The following SPATA31D1 variants were observed in gnomAD, a reference collection of about 807,000 sequenced individuals.
SPATA31D1 encodes SPATA31 subfamily D member 1.
In SPATA31D1, 6 loss-of-function variants were observed where a neutral mutation model predicts 13.2. The observed-to-expected ratio is 0.46, with a 90% CI of 0.25 to 0.90. The LOEUF is 0.90. SPATA31D1 is among the 40% of genes least tolerant of loss of function. The pLI, the probability that SPATA31D1 is intolerant of heterozygous loss-of-function variation, is 0.18. For synonymous variants in SPATA31D1, 903 were observed against 718.8 expected, an observed-to-expected ratio of 1.26 and a Z score of -4.10; for missense variants, 2,445 against 1,884.7, an observed-to-expected ratio of 1.30 and a Z score of -5.50.
At position 81,991,253 on chromosome 9, in the gene SPATA31D1, A is replaced by G. The variant is rs1427776695; in HGVS notation, c.783A>G (p.Gln261=). ...TTGAGAGAGTGGAGTCCAGCCTCCA[A>G]CCTGAAGCCAGTTTGTCTCTGAACA... ...HHIERVESSL[Q]PEASLSLNTI... is the part of the protein sequence containing the mutation. Residue 261 remains glutamine (Q), a synonymous_variant, in exon 4 of 4, where the codon CAA becomes CAG. Coordinates refer to ENST00000344803, the MANE Select transcript of SPATA31D1 (RefSeq NM_001001670.3). 3 of 1,613,800 alleles carry G rather than the reference A, an allele frequency of 1.9e-6. 1 individual carries two copies. Among genetic ancestry groups the G allele is most frequent in the South Asian group, 2.2e-5 (2 of 91,082 alleles).
rs769487756 is a variant in SPATA31D1 at position 81,994,164 on chromosome 9, T to A, written c.3694T>A (p.Leu1232Met). 15 of 1,613,920 alleles carry A rather than the reference T, an allele frequency of 9.3e-6. 1 individual carries two copies. In the Admixed American group the frequency reaches 2.2e-4, roughly 23 times the overall value. Reference sequence around the variant, plus strand: ...TGACATGTCTTTTGCCTTAGATAACTTGAGTTCCAAGGACTTACTGACTAA... The same window carrying A: ...TGACATGTCTTTTGCCTTAGATAACATGAGTTCCAAGGACTTACTGACTAA... ...FTDMSFALDN[L>M]SSKDLLTNSQ... Residue 1232 changes from leucine to methionine, a missense_variant, in exon 4 of 4, where the codon TTG (leucine) becomes ATG (methionine). Transcript: ENST00000344803.
At chr9:81,988,186 C>T (rs1193483346), upstream of SPATA31D1, among the ~76,000 whole-genome samples, 1 of 152,136 alleles carries the variant, frequency 6.6e-6, no homozygotes, top group African/African-American at 2.4e-5. Context: ...CTCAAAAACC[C>T]AAATTGGGCA....
chr9:81,989,298 T>C (rs1824906659), intron 1 of SPATA31D1, among the ~76,000 whole-genome samples: 1 of 152,154 alleles, frequency 6.6e-6, no homozygotes, highest in Non-Finnish European at 1.5e-5. Context: ...CCAGGTGGGA[T>C]TATTTAGAGA....
At position 81,994,831 on chromosome 9, in the gene SPATA31D1, T is replaced by G. The variant is rs1178499895; in HGVS notation, c.4361T>G (p.Val1454Gly). The G allele has an allele frequency of 2.5e-6, 4 of 1,613,844 alleles. No individual in the cohort carries two copies. In the African/African-American group the frequency reaches 4.0e-5, roughly 16 times the overall value. ...NPEVHVRAEP[V>G]QGCPCNYRAP... Reference sequence around the variant, plus strand: ...GAAGTGCATGTCAGAGCAGAGCCTGTCCAGGGCTGTCCCTGCAACTACAGG... The same window carrying G: ...GAAGTGCATGTCAGAGCAGAGCCTGGCCAGGGCTGTCCCTGCAACTACAGG... Residue 1454 changes from valine to glycine, a missense_variant, in exon 4 of 4, where the codon GTC becomes GGC. Coordinates refer to ENST00000344803, the MANE Select transcript of SPATA31D1 (RefSeq NM_001001670.3).
At position 81,990,769 on chromosome 9, in the gene SPATA31D1, G is replaced by A. The variant is rs1224750918; in HGVS notation, c.303-4G>A. The A allele has an allele frequency of 1.9e-6, 3 of 1,604,266 alleles. No individual in the cohort carries two copies. Among genetic ancestry groups the A allele is most frequent in the South Asian group, 1.1e-5 (1 of 89,554 alleles). Reference sequence around the variant, plus strand: ...TCCTTTCCTTGTTCTGGTCCTGACTGCAGCTTTGGACCTCCTGTTTCCTGC... The same window carrying A: ...TCCTTTCCTTGTTCTGGTCCTGACTACAGCTTTGGACCTCCTGTTTCCTGC... On this transcript the variant is annotated splice_region_variant and splice_polypyrimidine_tract_variant and intron_variant, in intron 3 of 3. Transcript: ENST00000344803.
chr9:81,995,016 C>T lies in SPATA31D1; in HGVS notation c.4546C>T (p.Gln1516Ter). 6.2e-7 allele frequency: 1 copy of T among 1,613,954 alleles called. No homozygotes were observed. The highest frequency in any genetic ancestry group is 8.5e-7 in the Non-Finnish European group (1 of 1,179,868). Residue 1516 changes from glutamine to a stop codon, truncating the protein, a stop_gained, in exon 4 of 4, where the codon CAA becomes TAA. Coordinates refer to ENST00000344803, the MANE Select transcript of SPATA31D1 (RefSeq NM_001001670.3). LOFTEE classifies it low-confidence loss of function (END_TRUNC). ...KGKILCQSHP[Q>*]SMPHRKPVPH... is the part of the protein sequence containing the mutation. ...GAAGATACTGTGTCAAAGCCATCCC[C>T]AATCCATGCCCCACAGGAAGCCTGT...
chr9:81,991,520 C>G lies in SPATA31D1; in HGVS notation c.1050C>G (p.His350Gln), dbSNP rs1824963030. 2 of 1,614,036 alleles carry G rather than the reference C, an allele frequency of 1.2e-6. No individual in the cohort carries two copies. Among genetic ancestry groups the G allele is most frequent in the African/African-American group, 1.3e-5 (1 of 75,050 alleles). ...CAATCAAAGGCATTGACCATTCACA[C>G]CTTGCATCTTCAGAATTCACCTGGT... ...APTIKGIDHSHLASSEFTWWQ... is the reference protein window; with the variant it reads ...APTIKGIDHSQLASSEFTWWQ... Residue 350 changes from histidine (H) to glutamine (Q), a missense_variant, in exon 4 of 4, where the codon CAC (histidine) becomes CAG (glutamine). His to Gln is a conservative substitution (Grantham distance 24). Transcript: ENST00000344803.
rs778462236 is a variant in SPATA31D1 at position 81,994,467 on chromosome 9, G to T, written c.3997G>T (p.Gly1333Trp). Residue 1333 changes from glycine (G) to tryptophan (W), a missense_variant, in exon 4 of 4, where the codon GGG becomes TGG. Physicochemically the swap from Gly to Trp is radical, Grantham distance 184. Transcript: ENST00000344803. ...VHNKTSGEVL[G>W]SKSSPTLKTQ... is the part of the protein sequence containing the mutation. Reference sequence around the variant, plus strand: ...TAACAAGACATCAGGGGAGGTGCTTGGGAGCAAATCTTCCCCAACCTTGAA... The same window carrying T: ...TAACAAGACATCAGGGGAGGTGCTTTGGAGCAAATCTTCCCCAACCTTGAA... 2 of 1,613,366 alleles carry T rather than the reference G, an allele frequency of 1.2e-6. No individual in the cohort carries two copies. Among genetic ancestry groups the T allele is most frequent in the Middle Eastern group, 1.6e-4 (1 of 6,062 alleles).
In SPATA31D1 at chr9:81,990,868, G is replaced by A; in HGVS notation, c.398G>A (p.Cys133Tyr). The change falls in exon 4 of 4, where the codon TGT becomes TAT. Residue 133 changes from cysteine (C) to tyrosine (Y), a missense_variant. Physicochemically the swap from Cys to Tyr is radical, Grantham distance 194. Transcript: ENST00000344803. The stretch of plus-strand genomic sequence containing the variant: ...TGCCCAGACCCCGTCTGTCGGGTGT[G>A]TAAGAGAGCAACTGCTGATATCCAG... ...LLCPDPVCRV[C>Y]KRATADIQQL... 6.2e-7 allele frequency: 1 copy of A among 1,613,958 alleles called. No individual in the cohort carries two copies. Among genetic ancestry groups the A allele is most frequent in the South Asian group, 1.1e-5 (1 of 91,084 alleles).
intron 3 of SPATA31D1, 71 bp from the exon 4 acceptor site, chr9:81,990,702 C>T: frequency 2.0e-6 from 3 of 1,523,572 alleles, no homozygotes; most frequent in Non-Finnish European, 2.7e-6. Flanking sequence ...GTGATATGGG[C>T]AGCAGGCTTT....
At position 81,993,045 on chromosome 9, in the gene SPATA31D1, C is replaced by A. The variant is rs779887177; in HGVS notation, c.2575C>A (p.Gln859Lys). ...TVHSSWHSVKQTMSLPEKSHS... is the reference protein window; with the variant it reads ...TVHSSWHSVKKTMSLPEKSHS... Reference sequence around the variant, plus strand: ...GCATAGTTCATGGCACTCAGTCAAGCAGACAATGTCTCTTCCTGAGAAATC... The same window carrying A: ...GCATAGTTCATGGCACTCAGTCAAGAAGACAATGTCTCTTCCTGAGAAATC... The change falls in exon 4 of 4, where the codon CAG becomes AAG. Residue 859 changes from glutamine (Q) to lysine (K), a missense_variant. Physicochemically the swap from Gln to Lys is moderately conservative, Grantham distance 53 (BLOSUM62 1). Transcript: ENST00000344803. The A allele has an allele frequency of 6.2e-7, 1 of 1,613,780 alleles. No homozygotes were observed. The highest frequency in any genetic ancestry group is 8.5e-7 in the Non-Finnish European group (1 of 1,179,730).
At position 81,994,013 on chromosome 9, in the gene SPATA31D1, A is replaced by G. The variant is rs150579694; in HGVS notation, c.3543A>G (p.Glu1181=). 2,689 of 1,613,824 alleles carry G rather than the reference A, an allele frequency of 1.7e-3. 40 individuals carry two copies. The African/African-American group carries it at 0.031, about 18-fold the overall frequency. Residue 1181 remains glutamate (E), a synonymous_variant, in exon 4 of 4, where the codon GAA becomes GAG. Coordinates refer to ENST00000344803, the MANE Select transcript of SPATA31D1 (RefSeq NM_001001670.3). ...ATGTGAAAGCAAGCACTTCCAATGAAACTGAAATTTTCCCACCAAGAATAT... is the reference window on the plus strand; with the variant it reads ...ATGTGAAAGCAAGCACTTCCAATGAGACTGAAATTTTCCCACCAAGAATAT... The part of the protein sequence containing the change: ...LTNVKASTSN[E]TEIFPPRISV...
Position 81,992,902 on chromosome 9 carries a change from A to G in SPATA31D1, c.2432A>G (p.His811Arg). The change falls in exon 4 of 4, where the codon CAT becomes CGT. Residue 811 changes from histidine to arginine, a missense_variant. By Grantham distance (29) the His-to-Arg change is conservative. Coordinates refer to ENST00000344803, the MANE Select transcript of SPATA31D1 (RefSeq NM_001001670.3). ...SERDLETHMM[H>R]LSGNDSGVRL... The stretch of plus-strand genomic sequence containing the variant: ...AGAGACCTAGAAACTCATATGATGC[A>G]TCTGTCAGGGAATGACTCAGGGGTG... 1.9e-6 allele frequency: 3 copies of G among 1,613,844 alleles called. No individual in the cohort carries two copies. Among genetic ancestry groups the G allele is most frequent in the Non-Finnish European group, 2.5e-6 (3 of 1,179,734 alleles).
At position 81,994,429 on chromosome 9, in the gene SPATA31D1, G is replaced by A. The variant is rs1825051720; in HGVS notation, c.3959G>A (p.Ser1320Asn). ...GLGTSQRRRKSLPVHNKTSGE... is the reference protein window; with the variant it reads ...GLGTSQRRRKNLPVHNKTSGE... ...GGGACATCCCAACGCAGGAGAAAGA[G>A]CCTCCCTGTTCATAACAAGACATCA... The change falls in exon 4 of 4, where the codon AGC (serine) becomes AAC (asparagine). Residue 1320 changes from serine to asparagine, a missense_variant. Physicochemically the swap from Ser to Asn is conservative, Grantham distance 46. Coordinates refer to ENST00000344803, the MANE Select transcript of SPATA31D1 (RefSeq NM_001001670.3). 1.9e-6 allele frequency: 3 copies of A among 1,613,624 alleles called. No individual in the cohort carries two copies. The highest frequency in any genetic ancestry group is 2.7e-5 in the African/African-American group (2 of 74,922).
chr9:81,993,061 C>A lies in SPATA31D1; in HGVS notation c.2591C>A (p.Pro864His), dbSNP rs375386103. The A allele has an allele frequency of 1.7e-4, 280 of 1,613,676 alleles. No homozygotes were observed. Among genetic ancestry groups the A allele is most frequent in the Admixed American group, 4.7e-4 (28 of 60,000 alleles). Reference sequence around the variant, plus strand: ...TCAGTCAAGCAGACAATGTCTCTTCCTGAGAAATCCCACAGCCAAATTAAA... The same window carrying A: ...TCAGTCAAGCAGACAATGTCTCTTCATGAGAAATCCCACAGCCAAATTAAA... ...WHSVKQTMSL[P>H]EKSHSQIKHR... is the part of the protein sequence containing the mutation. The change falls in exon 4 of 4, where the codon CCT (proline) becomes CAT (histidine). Residue 864 changes from proline to histidine, a missense_variant. Transcript: ENST00000344803.
chr9:81,994,164 TTG>T lies in SPATA31D1; in HGVS notation c.3695_3696del (p.Leu1232Ter). 6.2e-7 allele frequency: 1 copy of T among 1,614,038 alleles called. No individual in the cohort carries two copies. The highest frequency in any genetic ancestry group is 8.5e-7 in the Non-Finnish European group (1 of 1,179,894). ...FTDMSFALDNLSSKDLLTNSQ... is the reference protein window; with the variant it reads ...FTDMSFALDNXSSKDLLTNSQ... The stretch of plus-strand genomic sequence containing the variant: ...TGACATGTCTTTTGCCTTAGATAAC[TTG>T]AGTTCCAAGGACTTACTGACTAATT... On this transcript the variant is annotated frameshift_variant, in exon 4 of 4. Coordinates refer to ENST00000344803, the MANE Select transcript of SPATA31D1 (RefSeq NM_001001670.3). LOFTEE classifies it low-confidence loss of function (END_TRUNC).
At position 81,993,837 on chromosome 9, in the gene SPATA31D1, G is replaced by A; in HGVS notation, c.3367G>A (p.Gly1123Ser). Residue 1123 changes from glycine (G) to serine (S), a missense_variant, in exon 4 of 4, where the codon GGC becomes AGC. Gly to Ser is a moderately conservative substitution (Grantham distance 56). Coordinates refer to ENST00000344803, the MANE Select transcript of SPATA31D1 (RefSeq NM_001001670.3). ...AELPIMQAGA[G>S]CESWDKRKSS... ...GCTGCCCATAATGCAAGCTGGAGCT[G>A]GCTGTGAGTCATGGGATAAGAGAAA... 6.2e-7 allele frequency: 1 copy of A among 1,614,016 alleles called. No homozygotes were observed. Among genetic ancestry groups the A allele is most frequent in the Non-Finnish European group, 8.5e-7 (1 of 1,179,900 alleles).
Position 81,993,707 on chromosome 9 carries a change from C to T in SPATA31D1, c.3237C>T (p.Val1079=). 6.2e-7 allele frequency: 1 copy of T among 1,613,990 alleles called. No homozygotes were observed. Among genetic ancestry groups the T allele is most frequent in the South Asian group, 1.1e-5 (1 of 91,084 alleles). ...SDTDNDLTES[V]RTTEDGRQTF... ...CTGACAATGATCTTACAGAAAGTGT[C>T]CGGACAACAGAGGATGGCAGACAGA... is the stretch of plus-strand genomic sequence containing the variant. Residue 1079 remains valine, a synonymous_variant, in exon 4 of 4, where the codon GTC becomes GTT. Transcript: ENST00000344803.
In SPATA31D1 at chr9:81,991,798, G is replaced by C. The variant is rs973200309; in HGVS notation, c.1328G>C (p.Arg443Thr). 1.2e-6 allele frequency: 2 copies of C among 1,613,602 alleles called. No homozygotes were observed. The highest frequency in any genetic ancestry group is 1.7e-6 in the Non-Finnish European group (2 of 1,179,714). The part of the protein sequence containing the change: ...KKPGSFPKQL[R>T]PNYQLNSSRN... ...CCAGGATCATTCCCAAAACAACTTA[G>C]GCCAAACTACCAACTAAATTCCTCA... Residue 443 changes from arginine (R) to threonine (T), a missense_variant, in exon 4 of 4, where the codon AGG becomes ACG. Arg to Thr is a moderately conservative substitution (Grantham distance 71). Transcript: ENST00000344803.
Sources: allele counts gnomAD v4.1 joint callset (sites outside exome capture counted in the v4.1 genomes callset), GRCh38; gene constraint gnomAD v4.1.1; transcripts MANE v1.5; gene names NCBI Gene and HGNC (gene_info 2026-07-23, HGNC 2026-07-21).